TTPA: variants seen among roughly 807,000 people sequenced by gnomAD.
TTPA encodes the protein alpha-tocopherol transfer protein.
Under a neutral mutation model 25.9 loss-of-function variants are expected in TTPA, and 23 were observed. That is an observed-to-expected ratio of 0.89 (90% CI 0.64 to 1.26). The LOEUF is 1.26. Ranked by LOEUF, TTPA falls within the 50% of genes most tolerant of loss-of-function variation. TTPA has a pLI of 0.00. For synonymous variants in TTPA, 148 were observed against 137.3 expected (o/e 1.08, Z -0.54); for missense variants, 337 against 353.1 (o/e 0.95, Z 0.37).
At chr8:63,064,166 T>C (rs779719318) in intron 4 of TTPA, 40 bp downstream of exon 4, 1 of 1,416,918 alleles carries the variant, frequency 7.1e-7, no homozygotes, top group Non-Finnish European at 9.9e-7. Context: ...GTTGGAATGT[T>C]TGGTGTAGAG....
At chr8:63,075,896 A>C (rs1805555531) in intron 1 of TTPA, among the ~76,000 whole-genome samples, 2 of 152,144 alleles carry the variant, frequency 1.3e-5, no homozygotes, top group African/African-American at 4.8e-5. Context: ...AACCATAAAG[A>C]TAATTATAGC....
chr8:63,074,869 T>C (rs1805537784), intron 1 of TTPA, among the ~76,000 whole-genome samples: 1 of 152,192 alleles, frequency 6.6e-6, no homozygotes, highest in Non-Finnish European at 1.5e-5. Flanking sequence ...CCTCAGCTTA[T>C]TCATCTCTGC....
At chr8:63,075,214 C>T (rs1316419417) in intron 1 of TTPA, among the ~76,000 whole-genome samples, 1 of 152,182 alleles carries the variant, frequency 6.6e-6, no homozygotes, top group African/African-American at 2.4e-5. Flanking sequence ...GTCTGTTTTG[C>T]AAACATTAGA....
At chr8:63,080,727 A>T (rs1358873310) in intron 1 of TTPA, among the ~76,000 whole-genome samples, 2,487 of 148,204 alleles carry the variant, frequency 0.017, 83 homozygotes, top group African/African-American at 0.059. Context: ...ATCAAAAAAA[A>T]AAAAAAAATA....
intron 3 of TTPA, 47 bp from the exon 4 acceptor site, chr8:63,064,363 T>C (rs1451202338): frequency 7.8e-7 from 1 of 1,288,694 alleles, no homozygotes; most frequent in African/African-American, 1.5e-5. Context: ...AATATTACAA[T>C]CTGATACCTA....
intron 1 of TTPA, 147 bp from the exon 2 acceptor site, chr8:63,073,235 T>G: frequency 1.4e-6 from 1 of 707,122 alleles, no homozygotes; most frequent in Non-Finnish European, 2.4e-6. Flanking sequence ...CTGTGAAAAC[T>G]GAAAGTTCTT....
chr8:63,081,117 G>A (rs559181069), intron 1 of TTPA, among the ~76,000 whole-genome samples: 118 of 152,134 alleles, frequency 7.8e-4, no homozygotes, highest in African/African-American at 2.8e-3. Flanking sequence ...TAGAAAAAGA[G>A]GGGATCCTCA....
At position 63,061,035 on chromosome 8, in the gene TTPA, A is replaced by G. The variant is rs1475242528; in HGVS notation, c.*217T>C. 2.0e-6 allele frequency: 1 copy of G among 509,052 alleles called. No homozygotes were observed. Among genetic ancestry groups the G allele is most frequent in the Non-Finnish European group, 3.5e-6 (1 of 285,144 alleles). The allele number at this position is 509,052 out of a possible 1,614,324, so 31.5% of individuals were successfully genotyped here. ...GCCGATTTTTATGCTCTTAAAATGTACTGACATTTAATTACTTCAAAAGTA... is the reference window on the plus strand; with the variant it reads ...GCCGATTTTTATGCTCTTAAAATGTGCTGACATTTAATTACTTCAAAAGTA... On this transcript the variant is annotated 3_prime_UTR_variant, in exon 5 of 5. Transcript: ENST00000260116.
intron 4 of TTPA, among the ~76,000 whole-genome samples, chr8:63,062,491 A>AAACTCACAAAGCC (rs754615544): frequency 3.3e-5 from 5 of 152,218 alleles, no homozygotes; most frequent in Non-Finnish European, 7.3e-5. Context: ...CTCACTTAGG[A>AAACTCACAAAGCC]AACTCACAAA....
chr8:63,082,986 G>T (rs1273007013), intron 1 of TTPA, among the ~76,000 whole-genome samples: 2 of 152,120 alleles, frequency 1.3e-5, no homozygotes, highest in Non-Finnish European at 2.9e-5. Context: ...GTCAGGAAAC[G>T]ACAGGTGCTG....
intron 1 of TTPA, among the ~76,000 whole-genome samples, chr8:63,075,586 G>A (rs867446168): frequency 1.3e-5 from 2 of 151,392 alleles, no homozygotes; most frequent in Middle Eastern, 3.4e-3. Context: ...GTGGTGGTGC[G>A]TGCTCAGGAG....
intron 1 of TTPA, among the ~76,000 whole-genome samples, chr8:63,082,735 TC>T (rs1355706508): frequency 6.6e-6 from 1 of 152,250 alleles, no homozygotes; most frequent in Middle Eastern, 3.4e-3. Flanking sequence ...ATTTTTGCAA[TC>T]TACCCATCTG....
At chr8:63,077,673 G>A (rs1198709241) in intron 1 of TTPA, among the ~76,000 whole-genome samples, 1 of 152,212 alleles carries the variant, frequency 6.6e-6, no homozygotes, top group African/African-American at 2.4e-5. Context: ...GAACTGGGTG[G>A]AGCCCACTGC....
At chr8:63,077,974 G>A (rs1805594110) in intron 1 of TTPA, among the ~76,000 whole-genome samples, 1 of 152,208 alleles carries the variant, frequency 6.6e-6, no homozygotes, top group South Asian at 2.1e-4. Context: ...GGAAGGATCA[G>A]GCAGCAATAT....
chr8:63,063,514 T>C (rs1446491959), intron 4 of TTPA, among the ~76,000 whole-genome samples: 3 of 152,036 alleles, frequency 2.0e-5, no homozygotes, highest in Non-Finnish European at 4.4e-5. Context: ...GCATTAATAA[T>C]AAATTCATAT....
chr8:63,071,767 G>A (rs540520237), intron 2 of TTPA, among the ~76,000 whole-genome samples: 1 of 152,270 alleles, frequency 6.6e-6, no homozygotes, highest in South Asian at 2.1e-4. Flanking sequence ...TGAGGTTAAA[G>A]TGAGAGATGT....
intron 1 of TTPA, among the ~76,000 whole-genome samples, chr8:63,077,416 C>A (rs1805580691): frequency 6.6e-6 from 1 of 152,210 alleles, no homozygotes; most frequent in Non-Finnish European, 1.5e-5. Flanking sequence ...CCAAGGGAAG[C>A]CATGACGGAT....
rs1234285583 is a variant in TTPA at position 63,085,940 on chromosome 8, G to A, written c.82C>T (p.Leu28=). 2.0e-6 allele frequency: 3 copies of A among 1,520,852 alleles called. No individual in the cohort carries two copies. Among genetic ancestry groups the A allele is most frequent in the Non-Finnish European group, 2.6e-6 (3 of 1,141,642 alleles). The allele number at this position is 1,520,852 out of a possible 1,614,324, so 94.2% of individuals were successfully genotyped here. A position where few individuals can be genotyped will look rare whatever the true frequency, so the allele number is the denominator to read the frequency against. The change falls in exon 1 of 5, where the codon CTG becomes TTG. Residue 28 remains leucine, a synonymous_variant. Coordinates refer to ENST00000260116, the MANE Select transcript of TTPA (RefSeq NM_000370.3). ...PDHSPLLQPG[L]AALRRRAREA... Reference sequence around the variant, plus strand: ...CGGGCCCGGCGCCGCAGCGCCGCCAGGCCCGGCTGCAGCAACGGAGAGTGG... The same window carrying A: ...CGGGCCCGGCGCCGCAGCGCCGCCAAGCCCGGCTGCAGCAACGGAGAGTGG...
chr8:63,067,553 A>AC (rs1360122329), intron 2 of TTPA, among the ~76,000 whole-genome samples: 3 of 151,962 alleles, frequency 2.0e-5, no homozygotes, highest in African/African-American at 7.3e-5. Flanking sequence ...AAAAAAAAAA[A>AC]AACAACAAAA....
Sources: allele counts gnomAD v4.1 joint callset (sites outside exome capture counted in the v4.1 genomes callset), GRCh38; gene constraint gnomAD v4.1.1; transcripts MANE v1.5; gene names NCBI Gene and HGNC (gene_info 2026-07-23, HGNC 2026-07-21).